The following NUP210 variants were observed in gnomAD, a reference collection of about 807,000 sequenced individuals.
NUP210 encodes the protein nuclear pore membrane glycoprotein 210.
Under a neutral mutation model 196.0 loss-of-function variants are expected in NUP210, and 151 were observed. That is an observed-to-expected ratio of 0.77 (90% CI 0.67 to 0.88). NUP210 has a LOEUF of 0.88. Among genes scored for constraint, NUP210 ranks in the 40% least tolerant of loss-of-function variants. NUP210 has a pLI of 0.00. For synonymous variants in NUP210, 1,070 were observed against 1,052.7 expected (o/e 1.02, Z -0.32); for missense variants, 2,314 against 2,493.7 (o/e 0.93, Z 1.53).
At chr3:13,401,259 CAAAAAAAA>C (rs71066952) in intron 1 of NUP210, among the ~76,000 whole-genome samples, 1 of 43,846 alleles carries the variant, frequency 2.3e-5, no homozygotes, top group Admixed American at 3.1e-4. Flanking sequence ...GACTCTGGCT[CAAAAAAAA>C]AAAAAAAAAA....
At position 13,321,694 on chromosome 3, in the gene NUP210, G is replaced by A. The variant is rs202081870; in HGVS notation, c.5057C>T (p.Pro1686Leu). ...FSTEQVGAEV[P>L]FSPGLFADQA... ...GTCGGCGAAGAGACCTGGGCTGAAG[G>A]GCACCTCGGCCCCCACCTGCTCTGT... Residue 1686 changes from proline to leucine, a missense_variant, in exon 36 of 40, where the codon CCC becomes CTC. Pro to Leu is a moderately conservative substitution (Grantham distance 98). Coordinates refer to ENST00000254508, the MANE Select transcript of NUP210 (RefSeq NM_024923.4). 2.0e-5 allele frequency: 33 copies of A among 1,614,128 alleles called. No individual in the cohort carries two copies. The Admixed American group carries it at 4.3e-4, about 21-fold the overall frequency.
Position 13,336,934 on chromosome 3 carries a change from C to G in NUP210, c.3553-16G>C, listed in dbSNP as rs1227261501. On this transcript the variant is annotated splice_polypyrimidine_tract_variant and intron_variant, in intron 26 of 39. Transcript: ENST00000254508. ...AGATGGGCATCTGCAGGGGAGAAGT[C>G]AGGCCCAGTGAGCAGTAGCTCCCAG... is the stretch of plus-strand genomic sequence containing the variant. 2 of 1,612,470 alleles carry G rather than the reference C, an allele frequency of 1.2e-6. No individual in the cohort carries two copies. The highest frequency in any genetic ancestry group is 1.3e-5 in the African/African-American group (1 of 74,922).
At chr3:13,395,217 C>T (rs553414016) in intron 3 of NUP210, among the ~76,000 whole-genome samples, 124 of 152,298 alleles carry the variant, frequency 8.1e-4, no homozygotes, top group Admixed American at 1.6e-3. Flanking sequence ...ATCCCCACCA[C>T]CTACCTGGGG....
At chr3:13,382,493 G>T (rs747180574) in intron 6 of NUP210, among the ~76,000 whole-genome samples, 1 of 152,170 alleles carries the variant, frequency 6.6e-6, no homozygotes, top group Non-Finnish European at 1.5e-5. Flanking sequence ...CTTAGCAAAG[G>T]GCTGGCACAG....
chr3:13,386,155 G>C (rs1699266157), intron 6 of NUP210, 120 bp downstream of exon 6: 2 of 1,063,566 alleles, frequency 1.9e-6, no homozygotes, highest in Non-Finnish European at 2.7e-6. Flanking sequence ...GAATGTACTT[G>C]ATGCTACCTG....
At chr3:13,341,558 T>C (rs140179353) in intron 23 of NUP210, among the ~76,000 whole-genome samples, 190 bp downstream of exon 23, 2 of 152,366 alleles carry the variant, frequency 1.3e-5, no homozygotes, top group Non-Finnish European at 2.9e-5. Flanking sequence ...TCCCTCTGGT[T>C]CTGCCAGTCT....
intron 12 of NUP210, 126 bp downstream of exon 12, chr3:13,373,592 T>C: frequency 1.1e-6 from 1 of 892,338 alleles, no homozygotes; most frequent in Non-Finnish European, 1.7e-6. Flanking sequence ...GGGCTGGGGC[T>C]TGAGCTCCTA....
chr3:13,320,110 A>T, intron 36 of NUP210, 131 bp from the exon 37 acceptor site: 1 of 819,912 alleles, frequency 1.2e-6, no homozygotes, highest in Non-Finnish European at 1.9e-6. Context: ...CTTCAGCCTG[A>T]CATGCTGGGC....
intron 18 of NUP210, among the ~76,000 whole-genome samples, chr3:13,352,945 C>G (rs1039985645): frequency 6.6e-6 from 1 of 151,956 alleles, no homozygotes; most frequent in African/African-American, 2.4e-5. Context: ...GACATCAGGG[C>G]AGGGAGGAAG....
At chr3:13,345,566 C>G (rs1697688982) in intron 20 of NUP210, among the ~76,000 whole-genome samples, 1 of 152,146 alleles carries the variant, frequency 6.6e-6, no homozygotes, top group African/African-American at 2.4e-5. Context: ...AACGAGCTGG[C>G]CCGAGCTGCA....
intron 14 of NUP210, among the ~76,000 whole-genome samples, chr3:13,362,080 G>A (rs1240190931): frequency 1.4e-4 from 22 of 152,176 alleles, no homozygotes; most frequent in Non-Finnish European, 7.3e-5. Flanking sequence ...TTCATGGCCT[G>A]AGAGGTCTCC....
At chr3:13,377,835 C>A (rs1286424460) in intron 8 of NUP210, among the ~76,000 whole-genome samples, 3 of 150,136 alleles carry the variant, frequency 2.0e-5, no homozygotes, top group Non-Finnish European at 4.4e-5. Flanking sequence ...CCCCACACCA[C>A]CCACCTGCAG....
chr3:13,323,292 A>C lies in NUP210; in HGVS notation c.4768+17T>G. 1 of 1,614,000 alleles carries C rather than the reference A, an allele frequency of 6.2e-7. No homozygotes were observed. The highest frequency in any genetic ancestry group is 8.5e-7 in the Non-Finnish European group (1 of 1,179,906). On this transcript the variant is annotated intron_variant, in intron 34 of 39. Coordinates refer to ENST00000254508, the MANE Select transcript of NUP210 (RefSeq NM_024923.4). This position sits in a 1 kb window ranked among gnomAD's most constrained non-coding sequence, Gnocchi z 4.3. The stretch of plus-strand genomic sequence containing the variant: ...TCCCAGGTACTCTGAAGACAGCCCA[A>C]GCCCCTCATTAAGTACCTCTCAGGT...
Position 13,373,380 on chromosome 3 carries a change from G to T in NUP210, c.1587+338C>A, listed in dbSNP as rs76016569. Reference sequence around the variant, plus strand: ...CGGAGCCTGGTGGTGCCCTTTCACTGTGAGTTTACAACCCAGTGCTTGGTG... The same window carrying T: ...CGGAGCCTGGTGGTGCCCTTTCACTTTGAGTTTACAACCCAGTGCTTGGTG... On this transcript the variant is annotated intron_variant, in intron 12 of 39. Transcript: ENST00000254508. 3.3e-3 allele frequency among the ~76,000 whole-genome samples: 499 copies of T among 152,354 alleles called. 5 individuals are homozygous for T. Among genetic ancestry groups the T allele is most frequent in the African/African-American group, 0.012 (488 of 41,594 alleles).
intron 13 of NUP210, among the ~76,000 whole-genome samples, chr3:13,367,676 T>G (rs1230417656): frequency 6.6e-6 from 1 of 152,232 alleles, no homozygotes; most frequent in Non-Finnish European, 1.5e-5. Flanking sequence ...ACCATGGGCA[T>G]AACTCTTTTG....
chr3:13,388,544 C>G, intron 4 of NUP210, 91 bp from the exon 5 acceptor site: 1 of 1,327,078 alleles, frequency 7.5e-7, no homozygotes, highest in East Asian at 2.7e-5. Context: ...TCAGTACCTC[C>G]CACTGGGGCT....
chr3:13,362,716 G>A (rs958158199), intron 14 of NUP210, among the ~76,000 whole-genome samples: 1 of 152,190 alleles, frequency 6.6e-6, no homozygotes, highest in African/African-American at 2.4e-5. Context: ...TGCCCCTGCT[G>A]TAACCCATCC....
At chr3:13,406,108 G>A (rs1330685915) in intron 1 of NUP210, among the ~76,000 whole-genome samples, 1 of 152,168 alleles carries the variant, frequency 6.6e-6, no homozygotes, top group African/African-American at 2.4e-5. Context: ...AAAAGCAGCA[G>A]CATTTTAATG....
chr3:13,419,811 C>A (rs1238168005), intron 1 of NUP210, among the ~76,000 whole-genome samples: 1 of 152,052 alleles, frequency 6.6e-6, no homozygotes, highest in Non-Finnish European at 1.5e-5. Context: ...CCAGAACACG[C>A]GGGTCACGGC....
Sources: allele counts gnomAD v4.1 joint callset (sites outside exome capture counted in the v4.1 genomes callset), GRCh38; gene constraint gnomAD v4.1.1; non-coding constraint Gnocchi (gnomAD v3.1); transcripts MANE v1.5; gene names NCBI Gene and HGNC (gene_info 2026-07-23, HGNC 2026-07-21).